The following EYS variants were observed in gnomAD, a reference collection of about 807,000 sequenced individuals.
The protein encoded by EYS is protein eyes shut homolog.
A neutral mutation model predicts 282.1 loss-of-function variants in EYS; 250 were observed. That is an observed-to-expected ratio of 0.89 (90% CI 0.80 to 0.98). The LOEUF is 0.98. EYS is among the 50% of genes least tolerant of loss of function. The pLI is 0.00. For missense variants in EYS, 4,016 were observed against 3,709.0 expected, an observed-to-expected ratio of 1.08 and a Z score of -2.15; for synonymous variants, 1,355 against 1,282.9, an observed-to-expected ratio of 1.06 and a Z score of -1.20.
At chr6:65,001,574 G>A (rs375648927) in intron 13 of EYS, among the ~76,000 whole-genome samples, 1 of 148,008 alleles carries the variant, frequency 6.8e-6, no homozygotes, top group East Asian at 2.1e-4. Flanking sequence ...CTTTTTGGGT[G>A]GAAAAACAGG....
intron 35 of EYS, among the ~76,000 whole-genome samples, chr6:63,867,353 G>T (rs566766898): frequency 6.6e-6 from 1 of 152,000 alleles, no homozygotes; most frequent in South Asian, 2.1e-4. Flanking sequence ...TCCTTCACAA[G>T]ACCTGTAAAC....
chr6:65,353,720 A>G, intron 8 of EYS, 103 bp from the exon 9 acceptor site: 1 of 924,342 alleles, frequency 1.1e-6, no homozygotes, highest in Non-Finnish European at 1.7e-6. Flanking sequence ...CAGTGATTAT[A>G]GAAAACTTTA....
At chr6:65,577,845 A>G (rs1764729821) in intron 2 of EYS, among the ~76,000 whole-genome samples, 1 of 151,866 alleles carries the variant, frequency 6.6e-6, no homozygotes, top group Non-Finnish European at 1.5e-5. Flanking sequence ...TGCTCAAATT[A>G]CTAATCATCA....
chr6:64,562,127 C>T (rs975978754), intron 26 of EYS, among the ~76,000 whole-genome samples: 1 of 151,524 alleles, frequency 6.6e-6, no homozygotes, highest in Admixed American at 6.6e-5. Flanking sequence ...AGTATCAGGC[C>T]TTCTTAGAGA....
At chr6:64,218,234 T>C (rs1184073416) in intron 31 of EYS, among the ~76,000 whole-genome samples, 1 of 152,204 alleles carries the variant, frequency 6.6e-6, no homozygotes, top group Non-Finnish European at 1.5e-5. Context: ...GCTTCAGCCA[T>C]GCCTGAAGAC....
intron 26 of EYS, among the ~76,000 whole-genome samples, chr6:64,560,995 A>T (rs1377123737): frequency 1.3e-5 from 2 of 152,290 alleles, no homozygotes; most frequent in East Asian, 3.9e-4. Context: ...ATTCAACATG[A>T]TCAAGCAGGC....
chr6:65,064,164 TAA>T (rs1288767933), intron 12 of EYS, among the ~76,000 whole-genome samples: 1 of 143,614 alleles, frequency 7.0e-6, no homozygotes, highest in Non-Finnish European at 1.5e-5. Flanking sequence ...ATAACATATA[TAA>T]TATATATAAT....
In EYS at chr6:65,465,474, C is replaced by T. The variant is rs887207045; in HGVS notation, c.862+25120G>A. Among the ~76,000 whole-genome samples, 7 of 151,668 alleles carry T rather than the reference C, an allele frequency of 4.6e-5. No homozygotes were observed. In the East Asian group the frequency reaches 1.2e-3, roughly 25 times the overall value. ...CCTGGGTGACAGAGTGAGGCTCTGT[C>T]ACAAACAAACAAACAAACAAACACC... is the stretch of plus-strand genomic sequence containing the variant. On this transcript the variant is annotated intron_variant, in intron 5 of 42. Transcript: ENST00000503581.
intron 5 of EYS, among the ~76,000 whole-genome samples, chr6:65,443,371 TACAC>T (rs1768488773): frequency 7.0e-6 from 1 of 142,380 alleles, no homozygotes; most frequent in African/African-American, 2.4e-5. Context: ...TACATGTATG[TACAC>T]ATATAGACAT....
At chr6:65,576,383 C>T (rs984572619) in intron 2 of EYS, among the ~76,000 whole-genome samples, 1 of 151,794 alleles carries the variant, frequency 6.6e-6, no homozygotes, top group Non-Finnish European at 1.5e-5. Flanking sequence ...CAACACTCTT[C>T]TATTATAAAA....
At chr6:64,462,517 A>G (rs928108274) in intron 26 of EYS, among the ~76,000 whole-genome samples, 1 of 152,016 alleles carries the variant, frequency 6.6e-6, no homozygotes, top group Non-Finnish European at 1.5e-5. Context: ...ACATCTAACT[A>G]GTGGAAGTTT....
At chr6:64,826,964 C>T (rs1022656798) in intron 19 of EYS, among the ~76,000 whole-genome samples, 3 of 151,608 alleles carry the variant, frequency 2.0e-5, no homozygotes, top group Admixed American at 6.6e-5. Flanking sequence ...CCTTTCTTGT[C>T]GCTGCTCTGA....
Position 64,707,531 on chromosome 6 carries a change from T to C in EYS, c.3444-81286A>G, listed in dbSNP as rs533229391. 2.5e-4 allele frequency among the ~76,000 whole-genome samples: 38 copies of C among 151,912 alleles called. No individual in the cohort carries two copies. The East Asian group carries it at 5.8e-3, about 23-fold the overall frequency. On this transcript the variant is annotated intron_variant, in intron 22 of 42. Coordinates refer to ENST00000503581, the MANE Select transcript of EYS (RefSeq NM_001142800.2). Reference sequence around the variant, plus strand: ...AAGAATACAAAAAATTAGCCGGGCGTGGTGGCGGGCGCCTGTAGTCCCAGC... The same window carrying C: ...AAGAATACAAAAAATTAGCCGGGCGCGGTGGCGGGCGCCTGTAGTCCCAGC...
intron 28 of EYS, among the ~76,000 whole-genome samples, chr6:64,392,950 C>T (rs965686393): frequency 6.6e-6 from 1 of 152,042 alleles, no homozygotes; most frequent in African/African-American, 2.4e-5. Flanking sequence ...GGGGATATCA[C>T]CACCAATCCC....
chr6:64,426,583 A>G (rs1774415189), intron 28 of EYS, among the ~76,000 whole-genome samples: 1 of 152,076 alleles, frequency 6.6e-6, no homozygotes, highest in African/African-American at 2.4e-5. Context: ...AGAGAGAAAA[A>G]GATGGATAAT....
rs1189467200 is a variant in EYS at position 64,822,697 on chromosome 6, C to T, written c.3118G>A (p.Glu1040Lys). ...GAAAGGCAATCATTGGCGTTTGTTT[C>T]ACAGTGTGTTCCAAAAAACCCACTC... ...CKSGFFGTHCETNANDCLSNP... is the reference protein window; with the variant it reads ...CKSGFFGTHCKTNANDCLSNP... The change falls in exon 20 of 43, where the codon GAA becomes AAA. Residue 1040 changes from glutamate to lysine, a missense_variant. Glu to Lys is a moderately conservative substitution (Grantham distance 56, BLOSUM62 1). Coordinates refer to ENST00000503581, the MANE Select transcript of EYS (RefSeq NM_001142800.2). 6.5e-7 allele frequency: 1 copy of T among 1,548,078 alleles called. No homozygotes were observed. The highest frequency in any genetic ancestry group is 1.2e-5 in the South Asian group (1 of 82,916).
chr6:64,580,753 A>G (rs1437118338), intron 26 of EYS, among the ~76,000 whole-genome samples: 1 of 152,164 alleles, frequency 6.6e-6, no homozygotes, highest in Non-Finnish European at 1.5e-5. Flanking sequence ...AAGACTAGAG[A>G]CTAGAAATTG....
intron 28 of EYS, among the ~76,000 whole-genome samples, chr6:64,396,839 C>T (rs1056572522): frequency 4.6e-5 from 7 of 152,038 alleles, no homozygotes; most frequent in African/African-American, 1.7e-4. Flanking sequence ...GTATTTAATA[C>T]ACAGTAGAGT....
intron 2 of EYS, among the ~76,000 whole-genome samples, chr6:65,541,290 G>A (rs909059679): frequency 2.0e-5 from 3 of 152,112 alleles, no homozygotes; most frequent in African/African-American, 7.2e-5. Flanking sequence ...GCGATTAATA[G>A]TGTATAACCA....
Sources: gnomAD v4.1 joint callset for allele counts (sites outside exome capture counted in the v4.1 genomes callset) on GRCh38, gnomAD v4.1.1 for gene constraint, MANE v1.5 for transcripts, NCBI Gene and HGNC (gene_info 2026-07-23, HGNC 2026-07-21) for gene names.